Variants in DENND1A observed in about 807,000 individuals in gnomAD.
DENND1A encodes DENN domain-containing protein 1A.
A neutral mutation model predicts 113.7 loss-of-function variants in DENND1A; 51 were observed. That is an observed-to-expected ratio of 0.45 (90% CI 0.36 to 0.57). The LOEUF is 0.57. DENND1A is among the 20% of genes least tolerant of loss of function. The pLI is 0.00. For synonymous variants in DENND1A, 565 were observed against 570.8 expected, an observed-to-expected ratio of 0.99 and a Z score of 0.14; for missense variants, 1,258 against 1,395.9, an observed-to-expected ratio of 0.90 and a Z score of 1.57.
intron 9 of DENND1A, among the ~76,000 whole-genome samples, chr9:123,637,822 T>C (rs2061783762): frequency 6.6e-6 from 1 of 152,000 alleles, no homozygotes; most frequent in Non-Finnish European, 1.5e-5. Context: ...ATGGCAACAA[T>C]CGTTCTTCCA....
At chr9:123,552,021 G>GAGAGAGAGAGAC (rs2057095609) in intron 13 of DENND1A, among the ~76,000 whole-genome samples, 2 of 93,472 alleles carry the variant, frequency 2.1e-5, no homozygotes, top group Non-Finnish European at 4.2e-5. Flanking sequence ...GCGAGAGCGA[G>GAGAGAGAGAGAC]AGAGAGAGAG....
intron 5 of DENND1A, among the ~76,000 whole-genome samples, chr9:123,712,568 A>C (rs1314004790): frequency 1.3e-5 from 2 of 152,248 alleles, no homozygotes; most frequent in Non-Finnish European, 2.9e-5. Context: ...TAAACATGCC[A>C]TAAGCATTAG....
At chr9:123,731,070 A>G (rs1336090665) in intron 5 of DENND1A, among the ~76,000 whole-genome samples, 1 of 152,144 alleles carries the variant, frequency 6.6e-6, no homozygotes, top group East Asian at 1.9e-4. Context: ...GAACACATGG[A>G]CACGGAGGGG....
intron 19 of DENND1A, among the ~76,000 whole-genome samples, chr9:123,436,066 G>C (rs888688400): frequency 6.6e-6 from 1 of 152,166 alleles, no homozygotes; most frequent in African/African-American, 2.4e-5. Context: ...CTGCCGGGGA[G>C]GACACCACTC....
intron 5 of DENND1A, among the ~76,000 whole-genome samples, chr9:123,717,340 G>A (rs190704189): frequency 2.3e-4 from 35 of 152,238 alleles, no homozygotes; most frequent in Admixed American, 2.3e-3. Context: ...TTAACTAGGA[G>A]ATACGTATAA....
chr9:123,448,837 C>T (rs1288181818), intron 18 of DENND1A, among the ~76,000 whole-genome samples: 2 of 152,218 alleles, frequency 1.3e-5, no homozygotes, highest in Non-Finnish European at 2.9e-5. Context: ...TCAATTCCTT[C>T]GACCCTTTCA....
chr9:123,712,059 A>G (rs938680639), intron 5 of DENND1A, among the ~76,000 whole-genome samples: 3 of 152,212 alleles, frequency 2.0e-5, no homozygotes, highest in Non-Finnish European at 4.4e-5. Context: ...CCATTAGGCT[A>G]ATATGCATAG....
intron 13 of DENND1A, among the ~76,000 whole-genome samples, chr9:123,548,655 A>C (rs1279362454): frequency 6.6e-6 from 1 of 152,236 alleles, no homozygotes; most frequent in African/African-American, 2.4e-5. Flanking sequence ...AAAACATAGA[A>C]ACAACCCAGG....
intron 13 of DENND1A, among the ~76,000 whole-genome samples, chr9:123,549,455 A>G (rs959333469): frequency 1.3e-5 from 2 of 151,718 alleles, no homozygotes; most frequent in Non-Finnish European, 2.9e-5. Flanking sequence ...TTCTTTTTCC[A>G]TCTTGAGCCA....
At chr9:123,642,572 G>T (rs987614193) in intron 9 of DENND1A, among the ~76,000 whole-genome samples, 1 of 152,150 alleles carries the variant, frequency 6.6e-6, no homozygotes, top group African/African-American at 2.4e-5. Context: ...CACAATGTTC[G>T]ATTTATTTTA....
intron 13 of DENND1A, among the ~76,000 whole-genome samples, chr9:123,552,999 T>C (rs1352732905): frequency 6.6e-6 from 1 of 152,182 alleles, no homozygotes; most frequent in Non-Finnish European, 1.5e-5. Context: ...ATGCCTGTAA[T>C]CTCAGCACGA....
At chr9:123,522,697 A>G (rs2054492280) in intron 13 of DENND1A, among the ~76,000 whole-genome samples, 1 of 152,194 alleles carries the variant, frequency 6.6e-6, no homozygotes, top group South Asian at 2.1e-4. Flanking sequence ...ACTGCAGCTC[A>G]GCTACCTTTT....
chr9:123,516,731 C>G (rs1404043303), intron 13 of DENND1A, among the ~76,000 whole-genome samples: 1 of 151,454 alleles, frequency 6.6e-6, no homozygotes, highest in African/African-American at 2.4e-5. Context: ...ACTAAAAATA[C>G]AAAAATTAGC....
chr9:123,504,088 C>T (rs181036816), intron 13 of DENND1A, among the ~76,000 whole-genome samples: 1 of 152,312 alleles, frequency 6.6e-6, no homozygotes, highest in African/African-American at 2.4e-5. Flanking sequence ...GTTCTCTTTG[C>T]TTCTTTCTCA....
intron 8 of DENND1A, among the ~76,000 whole-genome samples, chr9:123,662,813 T>C (rs1406596907): frequency 6.6e-6 from 1 of 152,220 alleles, no homozygotes; most frequent in Non-Finnish European, 1.5e-5. Context: ...GTAAAAATTT[T>C]CTAAAGGTAT....
At chr9:123,784,315 A>G (rs542969055) in intron 3 of DENND1A, among the ~76,000 whole-genome samples, 88 of 152,304 alleles carry the variant, frequency 5.8e-4, no homozygotes, top group African/African-American at 2.0e-3. Context: ...TTAGAAAGTC[A>G]TCTCCGGCCA....
intron 19 of DENND1A, among the ~76,000 whole-genome samples, chr9:123,431,329 G>A (rs1311251090): frequency 6.6e-6 from 1 of 152,134 alleles, no homozygotes; most frequent in Non-Finnish European, 1.5e-5. Flanking sequence ...GCCTACACCA[G>A]GTACAGGATA....
chr9:123,679,303 A>C (rs994676113), intron 5 of DENND1A, among the ~76,000 whole-genome samples: 3 of 152,202 alleles, frequency 2.0e-5, no homozygotes, highest in Admixed American at 1.3e-4. Flanking sequence ...CAGAAGCTCC[A>C]GCCTCCAAGT....
chr9:123,682,650 C>A (rs2064544795), intron 5 of DENND1A, among the ~76,000 whole-genome samples: 1 of 150,956 alleles, frequency 6.6e-6, no homozygotes, highest in Non-Finnish European at 1.5e-5. Flanking sequence ...TGGCTTGAGT[C>A]TGGTAACCCC....
Sources: allele counts gnomAD v4.1 joint callset (sites outside exome capture counted in the v4.1 genomes callset), GRCh38; gene constraint gnomAD v4.1.1; transcripts MANE v1.5; gene names NCBI Gene and HGNC (gene_info 2026-07-23, HGNC 2026-07-21).